The following C12orf42 variants were observed in gnomAD, a reference collection of about 807,000 sequenced individuals.
The protein encoded by C12orf42 is chromosome 12 open reading frame 42, also known as uncharacterized protein C12orf42.
Under a neutral mutation model 21.6 loss-of-function variants are expected in C12orf42, and 25 were observed. The observed-to-expected ratio is 1.16, with a 90% CI of 0.84 to 1.62. The LOEUF is 1.62. Among genes scored for constraint, C12orf42 ranks in the 40% most tolerant of loss-of-function variants. The pLI is 0.00. For synonymous variants in C12orf42, 174 were observed against 175.0 expected (o/e 0.99, Z 0.05); for missense variants, 483 against 459.3 (o/e 1.05, Z -0.47).
At chr12:103,230,946 A>G in the C12orf42 span, among the ~76,000 whole-genome samples, 1 of 152,088 alleles carries the variant, frequency 6.6e-6, no homozygotes, top group Non-Finnish European at 1.5e-5. Context: ...TGCTCTAGCT[A>G]TATCCCAAAA....
At chr12:103,072,112 C>T in the C12orf42 span, among the ~76,000 whole-genome samples, 12 of 152,112 alleles carry the variant, frequency 7.9e-5, no homozygotes, top group Admixed American at 7.2e-4. Flanking sequence ...GTCTGATTCA[C>T]GAAGCAAGTG....
intron 4 of C12orf42, among the ~76,000 whole-genome samples, chr12:103,296,590 A>C (rs2037305303): frequency 6.6e-6 from 1 of 152,036 alleles, no homozygotes; most frequent in Admixed American, 6.6e-5. Context: ...TGTGGTTTTG[A>C]TTTGCATTTC....
chr12:103,422,084 TG>T (rs1272364959), intron 2 of C12orf42, among the ~76,000 whole-genome samples: 1 of 152,222 alleles, frequency 6.6e-6, no homozygotes, highest in Admixed American at 6.5e-5. Flanking sequence ...AAAGAGATGT[TG>T]CTCAGAAAAG....
At chr12:103,237,465 T>C (rs2033506106), downstream of C12orf42, 1 of 152,170 alleles carries the variant, frequency 6.6e-6, no homozygotes, top group African/African-American at 2.4e-5. Flanking sequence ...TCATTATTTG[T>C]AAAATAGACA....
At chr12:103,268,727 C>A (rs2035294201) in exon 7 of C12orf42, 1 of 152,142 alleles carries the variant, frequency 6.6e-6, no homozygotes, top group South Asian at 2.1e-4. Context: ...TAAGTTTAAG[C>A]TTTGGAGTGA....
chr12:103,407,318 T>C (rs932613913), intron 2 of C12orf42, among the ~76,000 whole-genome samples: 10 of 152,164 alleles, frequency 6.6e-5, no homozygotes, highest in Non-Finnish European at 1.2e-4. Flanking sequence ...CACAGAAAAA[T>C]ACAGTAGACC....
At chr12:103,336,308 T>A (rs1384480054) in intron 4 of C12orf42, among the ~76,000 whole-genome samples, 2 of 152,228 alleles carry the variant, frequency 1.3e-5, no homozygotes, top group South Asian at 4.1e-4. Flanking sequence ...ATAGGCTTCA[T>A]TTTTCATCAG....
At chr12:103,536,735 C>T in the C12orf42 span, among the ~76,000 whole-genome samples, 4 of 152,106 alleles carry the variant, frequency 2.6e-5, no homozygotes, top group Non-Finnish European at 5.9e-5. Context: ...TCCTTTTCTC[C>T]CTTTGCTCTT....
intron 4 of C12orf42, among the ~76,000 whole-genome samples, chr12:103,307,010 G>A (rs1442732867): frequency 6.6e-6 from 1 of 152,182 alleles, no homozygotes; most frequent in East Asian, 1.9e-4. Context: ...GATGGAAGAA[G>A]CCACAAGGAA....
chr12:103,401,501 A>C (rs975840273), intron 3 of C12orf42, 106 bp downstream of exon 3: 1 of 906,518 alleles, frequency 1.1e-6, no homozygotes, highest in Non-Finnish European at 1.7e-6. Flanking sequence ...TTTACTAGCT[A>C]TAAAGTCAAA....
chr12:103,536,958 G>T, the C12orf42 span, among the ~76,000 whole-genome samples: 7 of 151,866 alleles, frequency 4.6e-5, no homozygotes, highest in African/African-American at 1.5e-4. Context: ...TTTGGCGATT[G>T]TCTGTCTCTT....
At chr12:103,178,506 C>A in the C12orf42 span, 1 of 152,182 alleles carries the variant, frequency 6.6e-6, no homozygotes, top group African/African-American at 2.4e-5. Context: ...GAGCAAGCCT[C>A]TCGGAGCAGT....
chr12:103,372,632 T>C (rs1349303592), intron 3 of C12orf42, among the ~76,000 whole-genome samples: 1 of 152,078 alleles, frequency 6.6e-6, no homozygotes, highest in Non-Finnish European at 1.5e-5. Flanking sequence ...AAACACAAAG[T>C]CCTTTCTATG....
the C12orf42 span, among the ~76,000 whole-genome samples, chr12:103,062,842 T>C: frequency 2.0e-5 from 3 of 152,160 alleles, no homozygotes; most frequent in African/African-American, 7.2e-5. Context: ...TCACTTCTAT[T>C]CCATTCTATC....
the C12orf42 span, among the ~76,000 whole-genome samples, chr12:103,074,915 G>C: frequency 3.3e-5 from 5 of 151,880 alleles, no homozygotes; most frequent in African/African-American, 1.2e-4. Context: ...GGGAGACTTT[G>C]TCTCTACAAA....
intron 2 of C12orf42, among the ~76,000 whole-genome samples, chr12:103,470,562 A>G (rs1953515623): frequency 6.6e-6 from 1 of 152,152 alleles, no homozygotes; most frequent in African/African-American, 2.4e-5. Context: ...CAATGAGAGA[A>G]AGGATCTTTG....
chr12:103,428,766 C>T (rs1246349720), intron 2 of C12orf42, among the ~76,000 whole-genome samples: 1 of 152,102 alleles, frequency 6.6e-6, no homozygotes, highest in Non-Finnish European at 1.5e-5. Context: ...AAAGCTTATC[C>T]ACCGTGATCA....
intron 4 of C12orf42, among the ~76,000 whole-genome samples, chr12:103,329,586 G>T (rs957181368): frequency 4.0e-5 from 6 of 150,650 alleles, no homozygotes; most frequent in African/African-American, 1.5e-4. Flanking sequence ...AATCTCACTT[G>T]TGTGTTAAGA....
At chr12:103,224,514 A>G in the C12orf42 span, among the ~76,000 whole-genome samples, 1 of 152,150 alleles carries the variant, frequency 6.6e-6, no homozygotes, top group East Asian at 1.9e-4. Context: ...TGGATCAGAG[A>G]GATACAGTCA....
Sources: gnomAD v4.1 joint callset for allele counts (sites outside exome capture counted in the v4.1 genomes callset) on GRCh38, gnomAD v4.1.1 for gene constraint, MANE v1.5 for transcripts, NCBI Gene and HGNC (gene_info 2026-07-23, HGNC 2026-07-21) for gene names.